Variants in FAM227B observed in about 807,000 individuals in gnomAD.
FAM227B encodes the protein family with sequence similarity 227 member B.
A neutral mutation model predicts 73.8 loss-of-function variants in FAM227B; 88 were observed. That is an observed-to-expected ratio of 1.19 (90% CI 1.00 to 1.42). FAM227B has a LOEUF of 1.42. Ranked by LOEUF, FAM227B falls within the 40% of genes most tolerant of loss-of-function variation. FAM227B has a pLI of 0.00. For missense variants in FAM227B, 632 were observed against 590.9 expected (o/e 1.07, Z -0.72); for synonymous variants, 210 against 190.5 (o/e 1.10, Z -0.84).
At chr15:49,574,966 T>A (rs750842191) in intron 8 of FAM227B, 45 bp downstream of exon 8, 1 of 1,223,312 alleles carries the variant, frequency 8.2e-7, no homozygotes, top group East Asian at 2.4e-5. Flanking sequence ...AAATTAATTA[T>A]GCCAAAAATC....
chr15:49,334,388 G>C (rs2039333284), intron 14 of FAM227B: 1 of 236,742 alleles, frequency 4.2e-6, no homozygotes, highest in South Asian at 1.5e-4. Context: ...ACACGTGTTA[G>C]TAAAAGCCCT....
intron 11 of FAM227B, among the ~76,000 whole-genome samples, chr15:49,495,999 G>T (rs1015534543): frequency 1.3e-4 from 19 of 151,788 alleles, no homozygotes; most frequent in African/African-American, 4.4e-4. Flanking sequence ...CTTCAGCCTG[G>T]GTGACAGAGC....
intron 9 of FAM227B, among the ~76,000 whole-genome samples, chr15:49,549,326 A>T (rs1267497960): frequency 2.0e-5 from 3 of 149,582 alleles, no homozygotes; most frequent in Non-Finnish European, 1.5e-5. Flanking sequence ...TATGTATTTT[A>T]TTTATTTATT....
rs144750302 is a variant in FAM227B, at chr15:49,382,531, C to T, written c.1013-11132G>A. 6.4e-3 allele frequency among the ~76,000 whole-genome samples: 971 copies of T among 151,978 alleles called. 15 individuals carry two copies. The highest frequency in any genetic ancestry group is 0.022 in the African/African-American group (915 of 41,460). ...CATATTCATGTAGAAATGACTTGTC[C>T]ACTTACAAAGGTACCTAAATACTGC... On this transcript the variant is annotated intron_variant, in intron 11 of 15. Coordinates refer to ENST00000299338, the MANE Select transcript of FAM227B (RefSeq NM_152647.3).
Position 49,365,652 on chromosome 15 carries a change from TAG to T in FAM227B, c.1271+1794_1271+1795del, listed in dbSNP as rs1378364848. 76 of 1,094,502 alleles carry T rather than the reference TAG, an allele frequency of 6.9e-5. No individual in the cohort carries two copies. In the South Asian group the frequency reaches 7.6e-4, roughly 11 times the overall value. The allele number at this position is 1,094,502 out of a possible 1,614,324, so 67.8% of individuals were successfully genotyped here. On this transcript the variant is annotated intron_variant, in intron 13 of 15. Transcript: ENST00000299338. Reference sequence around the variant, plus strand: ...ATACATCATAGAGGAGGAGAAGGCCTAGAAGTATCACACATGACTTGAAGCTG... The same window carrying T: ...ATACATCATAGAGGAGGAGAAGGCCTAAGTATCACACATGACTTGAAGCTG...
intron 9 of FAM227B, among the ~76,000 whole-genome samples, chr15:49,553,010 G>T (rs2152314105): frequency 6.6e-6 from 1 of 152,258 alleles, no homozygotes; most frequent in East Asian, 1.9e-4. Context: ...TCCTGGATGT[G>T]TTGATGCCAG....
At chr15:49,477,051 C>T (rs1012936835) in intron 11 of FAM227B, among the ~76,000 whole-genome samples, 4 of 140,906 alleles carry the variant, frequency 2.8e-5, no homozygotes, top group South Asian at 2.2e-4. Context: ...CAAAGCGAGA[C>T]TCTGTCTCGA....
chr15:49,497,435 T>A (rs1202649350), intron 11 of FAM227B, among the ~76,000 whole-genome samples: 19 of 152,162 alleles, frequency 1.2e-4, no homozygotes, highest in Admixed American at 1.2e-3. Context: ...TTTGCAATGA[T>A]TTCCTATAGG....
At chr15:49,391,184 A>G (rs2047191968) in intron 11 of FAM227B, among the ~76,000 whole-genome samples, 1 of 152,134 alleles carries the variant, frequency 6.6e-6, no homozygotes, top group South Asian at 2.1e-4. Context: ...CAGGAAAAAA[A>G]CCACAAATAT....
intron 11 of FAM227B, among the ~76,000 whole-genome samples, chr15:49,448,034 C>T (rs1157481881): frequency 1.3e-5 from 2 of 151,484 alleles, no homozygotes; most frequent in Non-Finnish European, 3.0e-5. Flanking sequence ...ATTTTAATGT[C>T]CGAGAGCATA....
In FAM227B at chr15:49,491,791, A is replaced by G. The variant is rs61148984; in HGVS notation, c.1012+16420T>C. 2.6e-4 allele frequency among the ~76,000 whole-genome samples: 39 copies of G among 152,010 alleles called. 2 individuals carry two copies. In the East Asian group the frequency reaches 7.5e-3, roughly 29 times the overall value. ...ATTCATCTACTTCAGTTAAACAAGC[A>G]TATATTGACAATTCTACCATGTTTG... is the stretch of plus-strand genomic sequence containing the variant. On this transcript the variant is annotated intron_variant, in intron 11 of 15. Coordinates refer to ENST00000299338, the MANE Select transcript of FAM227B (RefSeq NM_152647.3).
At chr15:49,458,108 G>T (rs1484172756) in intron 11 of FAM227B, among the ~76,000 whole-genome samples, 1 of 151,922 alleles carries the variant, frequency 6.6e-6, no homozygotes, top group Non-Finnish European at 1.5e-5. Flanking sequence ...CTGAGGTAGG[G>T]CTTCAGCTTG....
chr15:49,553,018 C>T (rs1047389753), intron 9 of FAM227B, among the ~76,000 whole-genome samples: 1 of 152,066 alleles, frequency 6.6e-6, no homozygotes, highest in Non-Finnish European at 1.5e-5. Context: ...GTGTTGATGC[C>T]AGTTGATGTT....
At chr15:49,335,573 C>T in intron 13 of FAM227B, 77 bp from the exon 14 acceptor site, 1 of 1,019,718 alleles carries the variant, frequency 9.8e-7, no homozygotes, top group Non-Finnish European at 1.5e-6. Context: ...ACAGAGGAAC[C>T]AAGGGGACCG....
intron 3 of FAM227B, among the ~76,000 whole-genome samples, chr15:49,598,083 A>G (rs927232207): frequency 1.3e-5 from 2 of 151,964 alleles, no homozygotes; most frequent in African/African-American, 4.8e-5. Context: ...AAACTATTCC[A>G]AAAGACAGAG....
At chr15:49,457,162 A>C (rs1567313062) in intron 11 of FAM227B, among the ~76,000 whole-genome samples, 1 of 152,044 alleles carries the variant, frequency 6.6e-6, no homozygotes, top group African/African-American at 2.4e-5. Context: ...AACTTTTAAC[A>C]GTGTTTTTTC....
chr15:49,372,424 G>A (rs936333975), intron 11 of FAM227B, among the ~76,000 whole-genome samples: 5 of 152,168 alleles, frequency 3.3e-5, no homozygotes, highest in African/African-American at 1.2e-4. Flanking sequence ...AGTAGTAGAA[G>A]GAGAGGACAT....
chr15:49,428,232 T>C (rs1205999205), intron 11 of FAM227B, among the ~76,000 whole-genome samples: 1 of 151,954 alleles, frequency 6.6e-6, no homozygotes, highest in Non-Finnish European at 1.5e-5. Flanking sequence ...CTCTCCCCTT[T>C]ACTTATCTCT....
intron 11 of FAM227B, among the ~76,000 whole-genome samples, chr15:49,480,900 A>G (rs573771179): frequency 2.0e-5 from 3 of 152,304 alleles, no homozygotes; most frequent in Admixed American, 2.0e-4. Context: ...CAAAAAGGGA[A>G]GATGTCTGCC....
Sources: gnomAD v4.1 joint callset for allele counts (sites outside exome capture counted in the v4.1 genomes callset) on GRCh38, gnomAD v4.1.1 for gene constraint, MANE v1.5 for transcripts, NCBI Gene and HGNC (gene_info 2026-07-23, HGNC 2026-07-21) for gene names.